The following PID1 variants were observed in gnomAD, a reference collection of about 807,000 sequenced individuals.
PID1 encodes the protein phosphotyrosine interaction domain containing 1.
PID1 carries 10 observed loss-of-function variants against 19.1 expected under a neutral mutation model. That is an observed-to-expected ratio of 0.52 (90% CI 0.32 to 0.89). PID1 has a LOEUF of 0.89. Among genes scored for constraint, PID1 ranks in the 40% least tolerant of loss-of-function variants. The pLI is 0.03. For missense variants in PID1, 248 were observed against 285.3 expected (o/e 0.87, Z 0.94); for synonymous variants, 130 against 116.0 (o/e 1.12, Z -0.78).
intron 2 of PID1, among the ~76,000 whole-genome samples, chr2:229,101,549 T>C (rs1695074916): frequency 6.6e-6 from 1 of 152,234 alleles, no homozygotes; most frequent in Non-Finnish European, 1.5e-5. Flanking sequence ...CCAAATGCTA[T>C]GCAAAATGTT....
intron 2 of PID1, among the ~76,000 whole-genome samples, chr2:229,039,516 C>G (rs192280853): frequency 6.6e-6 from 1 of 152,084 alleles, no homozygotes; most frequent in Admixed American, 6.5e-5. Flanking sequence ...TCCCTTGCAA[C>G]TATTTAAACT....
intron 2 of PID1, among the ~76,000 whole-genome samples, chr2:229,086,191 T>C (rs920242551): frequency 6.6e-6 from 1 of 152,162 alleles, no homozygotes; most frequent in Non-Finnish European, 1.5e-5. Context: ...CCTCAACTTA[T>C]GATGCGGTTA....
At chr2:229,251,985 G>GA (rs1261154143) in intron 1 of PID1, among the ~76,000 whole-genome samples, 25 of 108,704 alleles carry the variant, frequency 2.3e-4, no homozygotes, top group South Asian at 9.2e-4. Context: ...AAAAAAGAAA[G>GA]AAAAAAAAAC....
At chr2:229,058,112 C>T (rs1159436915) in intron 2 of PID1, among the ~76,000 whole-genome samples, 1 of 152,168 alleles carries the variant, frequency 6.6e-6, no homozygotes, top group Non-Finnish European at 1.5e-5. Context: ...GGGGCTGCTT[C>T]TCCGTGGACA....
In PID1 at chr2:229,082,129, C is replaced by A. The variant is rs549922461; in HGVS notation, c.178-56021G>T. ...AAGATCAGGTGTTCTTGAGATGTCA[C>A]CATGATACTCAGAGTAACTGCTCAA... is the stretch of plus-strand genomic sequence containing the variant. On this transcript the variant is annotated intron_variant, in intron 2 of 2. Transcript: ENST00000392055. Among the ~76,000 whole-genome samples, 6 of 152,324 alleles carry A rather than the reference C, an allele frequency of 3.9e-5. No homozygotes were observed. The South Asian group carries it at 1.2e-3, about 32-fold the overall frequency.
intron 1 of PID1, among the ~76,000 whole-genome samples, chr2:229,252,606 G>C (rs918720907): frequency 6.6e-6 from 1 of 152,144 alleles, no homozygotes; most frequent in African/African-American, 2.4e-5. Flanking sequence ...GTAGAGAGGA[G>C]ACATAAATTA....
At chr2:229,173,023 G>A (rs1690741851) in intron 1 of PID1, among the ~76,000 whole-genome samples, 1 of 152,050 alleles carries the variant, frequency 6.6e-6, no homozygotes, top group Non-Finnish European at 1.5e-5. Flanking sequence ...GTGAACCACT[G>A]GCCTCAATGC....
intron 2 of PID1, among the ~76,000 whole-genome samples, chr2:229,067,796 G>A (rs986662963): frequency 7.2e-5 from 11 of 152,162 alleles, no homozygotes; most frequent in Admixed American, 4.6e-4. Flanking sequence ...GAAGCTCTGT[G>A]GTGCTCTCCC....
At chr2:229,105,513 A>T (rs1434662158) in intron 2 of PID1, among the ~76,000 whole-genome samples, 1 of 152,242 alleles carries the variant, frequency 6.6e-6, no homozygotes, top group African/African-American at 2.4e-5. Context: ...AGGGGCAAGG[A>T]GTGTGAACTT....
At chr2:229,038,917 G>A (rs2106172177) in intron 2 of PID1, among the ~76,000 whole-genome samples, 1 of 152,274 alleles carries the variant, frequency 6.6e-6, no homozygotes, top group East Asian at 1.9e-4. Flanking sequence ...ATACCTGTTT[G>A]CCTAGAATCG....
intron 2 of PID1, among the ~76,000 whole-genome samples, chr2:229,079,001 CTA>C (rs1694617199): frequency 6.6e-6 from 1 of 152,118 alleles, no homozygotes; most frequent in African/African-American, 2.4e-5. Context: ...ACAAGTGATG[CTA>C]TGTTTCCAAA....
At chr2:229,064,751 G>A (rs1387570678) in intron 2 of PID1, among the ~76,000 whole-genome samples, 1 of 152,086 alleles carries the variant, frequency 6.6e-6, no homozygotes, top group Non-Finnish European at 1.5e-5. Context: ...AGAAGTCTGA[G>A]GAAGTCATGG....
intron 1 of PID1, among the ~76,000 whole-genome samples, chr2:229,256,120 A>G (rs752234136): frequency 2.4e-4 from 36 of 152,266 alleles, no homozygotes; most frequent in Non-Finnish European, 4.6e-4. Context: ...GGTGTCCCCA[A>G]TTCAAGTATC....
At chr2:229,106,609 T>C (rs1695183949) in intron 2 of PID1, among the ~76,000 whole-genome samples, 1 of 152,190 alleles carries the variant, frequency 6.6e-6, no homozygotes, top group African/African-American at 2.4e-5. Context: ...CCCTCCACCA[T>C]GTGAGGACAC....
chr2:229,047,681 T>C (rs1012272375), intron 2 of PID1, among the ~76,000 whole-genome samples: 1 of 152,222 alleles, frequency 6.6e-6, no homozygotes, highest in Non-Finnish European at 1.5e-5. Context: ...AAATAAGGAC[T>C]GTTATACCCA....
intron 1 of PID1, among the ~76,000 whole-genome samples, chr2:229,232,886 T>A (rs1049247770): frequency 6.6e-6 from 1 of 151,250 alleles, no homozygotes; most frequent in African/African-American, 2.4e-5. Context: ...CCGAAGAAAG[T>A]ATATGAGATA....
At chr2:229,166,998 A>G (rs1044241654) in intron 1 of PID1, among the ~76,000 whole-genome samples, 3 of 151,106 alleles carry the variant, frequency 2.0e-5, no homozygotes, top group South Asian at 4.2e-4. Flanking sequence ...GGGAAGTGGA[A>G]GGGGAAGGAA....
chr2:229,163,736 A>ACACACACACACG (rs1491450622), intron 1 of PID1, among the ~76,000 whole-genome samples: 5 of 151,564 alleles, frequency 3.3e-5, no homozygotes, highest in Non-Finnish European at 7.4e-5. Context: ...GACTTGAAAT[A>ACACACACACACG]CACACACACA....
intron 2 of PID1, among the ~76,000 whole-genome samples, chr2:229,058,727 G>GAAAAAAAAAAAAAAA (rs5839294): frequency 2.2e-5 from 3 of 134,760 alleles, no homozygotes; most frequent in Non-Finnish European, 3.1e-5. Context: ...GTAATAATTT[G>GAAAAAAAAAAAAAAA]AAAAAAAAAA....
Sources: allele counts gnomAD v4.1 joint callset (sites outside exome capture counted in the v4.1 genomes callset), GRCh38; gene constraint gnomAD v4.1.1; transcripts MANE v1.5; gene names NCBI Gene and HGNC (gene_info 2026-07-23, HGNC 2026-07-21).